BMP1: variants seen among roughly 807,000 people sequenced by gnomAD.
BMP1 encodes mammalian tolloid protein.
Under a neutral mutation model 116.8 loss-of-function variants are expected in BMP1, and 63 were observed. The ratio of observed to expected loss-of-function variants is 0.54; its 90% CI spans 0.44 to 0.67. The LOEUF is 0.67. BMP1 is among the 30% of genes least tolerant of loss of function. BMP1 has a pLI of 0.00. For missense variants in BMP1, 1,183 were observed against 1,358.9 expected (o/e 0.87, Z 2.04); for synonymous variants, 536 against 533.4 (o/e 1.00, Z -0.07).
intron 1 of BMP1, 58 bp downstream of exon 1, chr8:22,165,611 G>A (rs1828070916): frequency 6.6e-7 from 1 of 1,511,346 alleles, no homozygotes; most frequent in Non-Finnish European, 8.8e-7. Context: ...GGCGGGTTCG[G>A]GCTTGGGGTT....
Position 22,195,412 on chromosome 8 carries a change from T to A in BMP1, c.1640-50T>A, listed in dbSNP as rs369937351. On this transcript the variant is annotated intron_variant, in intron 12 of 19. Coordinates refer to ENST00000306385, the MANE Select transcript of BMP1 (RefSeq NM_006129.5). ...GGACAAGTGAGGCTCACAGCCAGCT[T>A]CTTCCCTTGAATGCCTGGAGTCTGT... The A allele has an allele frequency of 4.5e-6, 7 of 1,563,134 alleles. No individual in the cohort carries two copies. The African/African-American group carries it at 6.9e-5, about 15-fold the overall frequency.
intron 8 of BMP1, among the ~76,000 whole-genome samples, chr8:22,187,497 A>ATTTTTTTTTTTTT (rs768807192): frequency 6.4e-4 from 67 of 104,418 alleles, no homozygotes; most frequent in South Asian, 8.9e-4. Context: ...CGCCCGGCTA[A>ATTTTTTTTTTTTT]TTTTTTTTTT....
At chr8:22,210,792 C>T (rs1017382004) in intron 19 of BMP1, among the ~76,000 whole-genome samples, 3 of 152,220 alleles carry the variant, frequency 2.0e-5, no homozygotes, top group African/African-American at 7.2e-5. Context: ...CTGAATCACA[C>T]ACCAAATCGG....
At chr8:22,175,996 G>A (rs553856884) in intron 2 of BMP1, 147 bp from the exon 3 acceptor site, 2 of 823,884 alleles carry the variant, frequency 2.4e-6, no homozygotes, top group African/African-American at 1.7e-5. Flanking sequence ...TGAAAGCCCT[G>A]AGAGTATTGA....
chr8:22,185,273 G>A (rs1012762614), intron 8 of BMP1, among the ~76,000 whole-genome samples: 3 of 152,076 alleles, frequency 2.0e-5, no homozygotes, highest in South Asian at 4.2e-4. Flanking sequence ...CCAACGTGGT[G>A]AAACCCTGTT....
Position 22,167,595 on chromosome 8 carries a change from C to T in BMP1, c.148+2042C>T, listed in dbSNP as rs555591766. ...CAGCAAGAGGCTGAGGGCTCTCCCC[C>T]CAGTCTCAGGTTTCATGCTAGGGTG... On this transcript the variant is annotated intron_variant, in intron 1 of 19. Transcript: ENST00000306385. 2.6e-5 allele frequency among the ~76,000 whole-genome samples: 4 copies of T among 152,186 alleles called. No homozygotes were observed. The South Asian group carries it at 8.3e-4, about 32-fold the overall frequency.
chr8:22,207,459 C>T lies in BMP1; in HGVS notation c.2518C>T (p.Arg840Cys), dbSNP rs773595573. 11 of 1,613,956 alleles carry T rather than the reference C, an allele frequency of 6.8e-6. No individual in the cohort carries two copies. Among genetic ancestry groups the T allele is most frequent in the South Asian group, 4.4e-5 (4 of 91,084 alleles). Residue 840 changes from arginine to cysteine, a missense_variant, in exon 18 of 20, where the codon CGC becomes TGC. By Grantham distance (180) the Arg-to-Cys change is radical (BLOSUM62 -3). Around this residue, in one of 4 missense-constraint regions of BMP1, gnomAD observed 956 missense variants for 1,135.2 expected, o/e 0.84. Coordinates refer to ENST00000306385, the MANE Select transcript of BMP1 (RefSeq NM_006129.5). ...VLATGSRMFLRFYSDNSVQRK... is the reference protein window; with the variant it reads ...VLATGSRMFLCFYSDNSVQRK... ...GGCCACAGGCAGCCGCATGTTCCTG[C>T]GCTTCTACTCAGATAACTCGGTCCA...
chr8:22,187,313 TTTAATTAA>T (rs916032686), intron 8 of BMP1, among the ~76,000 whole-genome samples: 1 of 150,776 alleles, frequency 6.6e-6, no homozygotes, highest in Non-Finnish European at 1.5e-5. Context: ...TTTTATTTAT[TTTAATTAA>T]TTAATTAATT....
At chr8:22,188,087 T>C (rs1828826932) in intron 8 of BMP1, among the ~76,000 whole-genome samples, 1 of 151,956 alleles carries the variant, frequency 6.6e-6, no homozygotes, top group Non-Finnish European at 1.5e-5. Flanking sequence ...ATTTCCTATA[T>C]TCGGGGTGCA....
At chr8:22,200,263 G>T (rs1186445394) in intron 15 of BMP1, among the ~76,000 whole-genome samples, 1 of 152,222 alleles carries the variant, frequency 6.6e-6, no homozygotes, top group African/African-American at 2.4e-5. Flanking sequence ...GTGTGGGTCT[G>T]TGACACGTGG....
At chr8:22,201,951 A>G in intron 16 of BMP1, 23 bp downstream of exon 16, 1 of 1,599,902 alleles carries the variant, frequency 6.3e-7, no homozygotes, top group Non-Finnish European at 8.5e-7. Flanking sequence ...TGCCAGGGGC[A>G]TCTGGGCTTG....
intron 8 of BMP1, among the ~76,000 whole-genome samples, chr8:22,184,583 C>G (rs1048142654): frequency 2.0e-5 from 3 of 152,208 alleles, no homozygotes; most frequent in African/African-American, 7.2e-5. Context: ...ATTGAAAGGG[C>G]CTGCAGAGCC....
In BMP1 at chr8:22,179,575, G is replaced by C; in HGVS notation, c.837-130G>C. On this transcript the variant is annotated intron_variant, in intron 6 of 19. Transcript: ENST00000306385. This position sits in a 1 kb window ranked among gnomAD's most constrained non-coding sequence, Gnocchi z 4.6. ...ATGACAGGGTGAGACGACTCCACCC[G>C]GCCCTGACCCTGCTGAGGAATGTCT... The C allele has an allele frequency of 6.6e-7, 1 of 1,523,904 alleles. No homozygotes were observed. Among genetic ancestry groups the C allele is most frequent in the South Asian group, 1.2e-5 (1 of 85,040 alleles). The allele number at this position is 1,523,904 out of a possible 1,614,324, so 94.4% of individuals were successfully genotyped here. A position where few individuals can be genotyped will look rare whatever the true frequency, so the allele number is the denominator to read the frequency against.
At chr8:22,166,729 C>T (rs537618471) in intron 1 of BMP1, among the ~76,000 whole-genome samples, 2 of 152,292 alleles carry the variant, frequency 1.3e-5, no homozygotes, top group South Asian at 4.2e-4. Flanking sequence ...GGCCCACAGG[C>T]AGGAATAAGA....
rs577912357 is a variant in BMP1 at position 22,180,658 on chromosome 8, C to A, written c.1077+175C>A. Reference sequence around the variant, plus strand: ...TGTAGGAAGGGGCTCCTGGCATTCACCGCCTTCCCTGGCATCTCCCAATAA... The same window carrying A: ...TGTAGGAAGGGGCTCCTGGCATTCAACGCCTTCCCTGGCATCTCCCAATAA... On this transcript the variant is annotated intron_variant, in intron 8 of 19. Coordinates refer to ENST00000306385, the MANE Select transcript of BMP1 (RefSeq NM_006129.5). 5.9e-5 allele frequency among the ~76,000 whole-genome samples: 9 copies of A among 152,370 alleles called. No individual in the cohort carries two copies. In the South Asian group the frequency reaches 1.5e-3, roughly 25 times the overall value.
In BMP1 at chr8:22,201,190, G is replaced by A. The variant is rs368615556; in HGVS notation, c.2108-613G>A. ...AAATTCCGAGTGCAGAAAAGAAACC[G>A]GACCCCCCAGTGAGGCCTGCCAGGC... On this transcript the variant is annotated intron_variant, in intron 15 of 19. Transcript: ENST00000306385. 2.3e-5 allele frequency: 37 copies of A among 1,604,098 alleles called. No homozygotes were observed. In the East Asian group the frequency reaches 3.9e-4, roughly 17 times the overall value.
At chr8:22,167,437 GATCA>G (rs1828147902) in intron 1 of BMP1, among the ~76,000 whole-genome samples, 1 of 152,204 alleles carries the variant, frequency 6.6e-6, no homozygotes, top group Non-Finnish European at 1.5e-5. Context: ...AGAGAAAAGT[GATCA>G]CAGCAGGCTG....
chr8:22,198,458 G>A (rs1829156046), intron 15 of BMP1: 1 of 152,360 alleles, frequency 6.6e-6, no homozygotes, highest in African/African-American at 2.4e-5. Context: ...CCTTCACCCT[G>A]GGGTGAGGCT....
At chr8:22,166,695 G>A (rs1297469547) in intron 1 of BMP1, among the ~76,000 whole-genome samples, 1 of 152,186 alleles carries the variant, frequency 6.6e-6, no homozygotes, top group Non-Finnish European at 1.5e-5. Flanking sequence ...TGGAGACCCT[G>A]TTCAGGGACT....
Sources: gnomAD v4.1 joint callset for allele counts (sites outside exome capture counted in the v4.1 genomes callset) on GRCh38, gnomAD v4.1.1 for gene constraint, gnomAD v4.1.1 regional missense constraint, Gnocchi (gnomAD v3.1) non-coding constraint, MANE v1.5 for transcripts, NCBI Gene and HGNC (gene_info 2026-07-23, HGNC 2026-07-21) for gene names.